The following RYR3 variants were observed in gnomAD, a reference collection of about 807,000 sequenced individuals.
The protein encoded by RYR3 is ryanodine receptor 3.
Under a neutral mutation model 584.3 loss-of-function variants are expected in RYR3, and 207 were observed. The ratio of observed to expected loss-of-function variants is 0.35; its 90% CI spans 0.32 to 0.40. RYR3 has a LOEUF of 0.40. Among genes scored for constraint, RYR3 ranks in the 10% least tolerant of loss-of-function variants. RYR3 has a pLI of 1.00. For missense variants in RYR3, 5,616 were observed against 6,089.2 expected (o/e 0.92, Z 2.59); for synonymous variants, 2,416 against 2,248.5 (o/e 1.07, Z -2.11).
intron 2 of RYR3, among the ~76,000 whole-genome samples, chr15:33,488,691 A>C (rs1212762086): frequency 6.6e-6 from 1 of 152,090 alleles, no homozygotes; most frequent in South Asian, 2.1e-4. Context: ...TCTCTACTAA[A>C]AATACAAAAA....
rs397706870 is a variant in RYR3, at chr15:33,773,467, T to TC, written c.9056-65dup. On this transcript the variant is annotated intron_variant, in intron 63 of 103. Coordinates refer to ENST00000634891, the MANE Select transcript of RYR3 (RefSeq NM_001036.6). ...TACTGATGCTCATGCATTTTTTTTT[T>TC]CCTCTTCATGGATCCTTTCTGTATT... 6 of 1,139,842 alleles carry TC rather than the reference T, an allele frequency of 5.3e-6. No individual in the cohort carries two copies. In the African/African-American group the frequency reaches 9.2e-5, roughly 18 times the overall value. 70.6% of individuals were successfully genotyped at this position (1,139,842 alleles called of 1,614,324 possible).
chr15:33,433,216 C>T (rs1337382973), intron 1 of RYR3, among the ~76,000 whole-genome samples: 4 of 152,074 alleles, frequency 2.6e-5, no homozygotes, highest in South Asian at 2.1e-4. Flanking sequence ...GGGGTTGGAC[C>T]GAGGGGTCCC....
chr15:33,378,269 G>A (rs2040897887), intron 1 of RYR3, among the ~76,000 whole-genome samples: 4 of 152,180 alleles, frequency 2.6e-5, no homozygotes, highest in Admixed American at 2.0e-4. Flanking sequence ...TTCTTCCACA[G>A]ATCTTGGGGA....
chr15:33,474,203 G>T (rs1861154878), intron 2 of RYR3, among the ~76,000 whole-genome samples: 1 of 152,174 alleles, frequency 6.6e-6, no homozygotes, highest in African/African-American at 2.4e-5. Flanking sequence ...ATCCGTCAGG[G>T]TTCTCCAGAG....
intron 63 of RYR3, 82 bp from the exon 64 acceptor site, chr15:33,773,452 C>A: frequency 1.1e-6 from 1 of 907,762 alleles, no homozygotes; most frequent in Non-Finnish European, 1.8e-6. Context: ...TACTGATGCT[C>A]ATGCATTTTT....
At chr15:33,805,581 C>T (rs1046449233) in intron 69 of RYR3, among the ~76,000 whole-genome samples, 1 of 151,702 alleles carries the variant, frequency 6.6e-6, no homozygotes, top group Non-Finnish European at 1.5e-5. Flanking sequence ...TGGTTCACAC[C>T]ATTCTCCTGC....
chr15:33,679,456 G>A (rs1385211170), intron 38 of RYR3, among the ~76,000 whole-genome samples: 1 of 152,190 alleles, frequency 6.6e-6, no homozygotes, highest in Non-Finnish European at 1.5e-5. Flanking sequence ...GCATTAAAAT[G>A]TGGTGGTAAA....
At position 33,857,833 on chromosome 15, in the gene RYR3, G is replaced by T; in HGVS notation, c.14061G>T (p.Val4687=). Residue 4687 remains valine (V), a synonymous_variant, in exon 99 of 104, where the codon GTG becomes GTT. Coordinates refer to ENST00000634891, the MANE Select transcript of RYR3 (RefSeq NM_001036.6). The part of the protein sequence containing the change: ...LAVVVYLYTV[V]AFNFFRKFYN... ...TGGTGGTTTATCTCTATACTGTGGT[G>T]GCTTTCAACTTCTTCCGCAAGTTCT... 6.2e-7 allele frequency: 1 copy of T among 1,614,164 alleles called. No individual in the cohort carries two copies. Among genetic ancestry groups the T allele is most frequent in the South Asian group, 1.1e-5 (1 of 91,084 alleles).
At chr15:33,628,059 A>T (rs539283920) in intron 20 of RYR3, among the ~76,000 whole-genome samples, 1 of 152,340 alleles carries the variant, frequency 6.6e-6, no homozygotes, top group East Asian at 1.9e-4. Flanking sequence ...TTTGGGTAAC[A>T]TATTGAGCTC....
chr15:33,613,156 G>A lies in RYR3; in HGVS notation c.2165-27G>A, dbSNP rs527631281. On this transcript the variant is annotated intron_variant, in intron 18 of 103. Transcript: ENST00000634891. ...TAGCAGGTGCCTCCAGAGTTCCACA[G>A]CCTTCTTCCTGTTCTTTCCTCACCA... The A allele has an allele frequency of 5.6e-6, 9 of 1,597,320 alleles. No individual in the cohort carries two copies. In the East Asian group the frequency reaches 1.1e-4, roughly 20 times the overall value.
intron 19 of RYR3, 116 bp downstream of exon 19, chr15:33,613,491 C>T: frequency 9.3e-7 from 1 of 1,072,074 alleles, no homozygotes; most frequent in African/African-American, 1.6e-5. Context: ...ACTAAGTTCC[C>T]CAGGACAGTG....
intron 99 of RYR3, 31 bp downstream of exon 99, chr15:33,857,945 A>G (rs201003658): frequency 6.8e-7 from 1 of 1,461,316 alleles, no homozygotes; most frequent in East Asian, 2.2e-5. Flanking sequence ...GGGCCAGCCC[A>G]CCCACTGCGG....
At chr15:33,787,541 CAAACAAA>C (rs1195320113) in intron 66 of RYR3, among the ~76,000 whole-genome samples, 3 of 151,006 alleles carry the variant, frequency 2.0e-5, no homozygotes, top group Non-Finnish European at 4.4e-5. Context: ...CAAAAACAAA[CAAACAAA>C]AACAATGGAA....
At chr15:33,325,643 C>A (rs949216550) in intron 1 of RYR3, among the ~76,000 whole-genome samples, 5 of 151,550 alleles carry the variant, frequency 3.3e-5, no homozygotes, top group Admixed American at 3.3e-4. Context: ...CTTTTCCTCT[C>A]TTTCCTTTTC....
intron 41 of RYR3, 99 bp downstream of exon 41, chr15:33,699,932 C>A: frequency 8.3e-7 from 1 of 1,200,740 alleles, no homozygotes; most frequent in Non-Finnish European, 1.2e-6. Flanking sequence ...CACATGCACG[C>A]TGTGATATTT....
chr15:33,846,723 C>G lies in RYR3; in HGVS notation c.13498-1568C>G, dbSNP rs575370921. 2.6e-3 allele frequency among the ~76,000 whole-genome samples: 396 copies of G among 152,294 alleles called. 2 individuals carry two copies. Among genetic ancestry groups the G allele is most frequent in the Non-Finnish European group, 4.5e-3 (303 of 68,028 alleles). The stretch of plus-strand genomic sequence containing the variant: ...ACTATGAAAGTGCAAATTCTGGAGC[C>G]AAGCTGCCTGGGTTGAACTCACAGC... On this transcript the variant is annotated intron_variant, in intron 93 of 103. Coordinates refer to ENST00000634891, the MANE Select transcript of RYR3 (RefSeq NM_001036.6).
intron 40 of RYR3, 132 bp from the exon 41 acceptor site, chr15:33,699,572 A>G (rs545242739): frequency 8.2e-6 from 6 of 727,906 alleles, no homozygotes; most frequent in East Asian, 2.9e-5. Flanking sequence ...AAGTCTTGAG[A>G]AAAAAAATGG....
chr15:33,750,616 G>A (rs2071188101), intron 57 of RYR3, among the ~76,000 whole-genome samples: 1 of 152,132 alleles, frequency 6.6e-6, no homozygotes, highest in Admixed American at 6.5e-5. Flanking sequence ...CTCTTTATTG[G>A]AGTTATAAAT....
intron 1 of RYR3, among the ~76,000 whole-genome samples, chr15:33,437,930 C>T (rs1357636095): frequency 1.3e-5 from 2 of 152,082 alleles, no homozygotes; most frequent in Non-Finnish European, 2.9e-5. Flanking sequence ...GCCATGTTGC[C>T]CAGGCTGGCC....
Sources: gnomAD v4.1 joint callset for allele counts (sites outside exome capture counted in the v4.1 genomes callset) on GRCh38, gnomAD v4.1.1 for gene constraint, MANE v1.5 for transcripts, NCBI Gene and HGNC (gene_info 2026-07-23, HGNC 2026-07-21) for gene names.